SANBR: variants seen among roughly 807,000 people sequenced by gnomAD.
SANBR encodes the protein SANT and BTB domain regulator of CSR, also known as SANT and BTB domain regulator of class switch recombination.
In SANBR, 77 loss-of-function variants were observed where a neutral mutation model predicts 101.8. The ratio of observed to expected loss-of-function variants is 0.76; its 90% CI spans 0.63 to 0.91. The LOEUF (loss-of-function observed/expected upper bound fraction) is 0.91, where lower values mean the gene tolerates loss of function less well. Among genes scored for constraint, SANBR ranks in the 40% least tolerant of loss-of-function variants. SANBR has a pLI of 0.00. For synonymous variants in SANBR, 279 were observed against 274.7 expected (o/e 1.02, Z -0.15); for missense variants, 875 against 853.0 (o/e 1.03, Z -0.32).
chr2:61,073,750 A>G (rs1681607940), intron 5 of SANBR, among the ~76,000 whole-genome samples, 199 bp downstream of exon 5: 1 of 151,884 alleles, frequency 6.6e-6, no homozygotes, highest in South Asian at 2.1e-4. Context: ...ACAGTTTTCT[A>G]TTTAAAGATT....
intron 13 of SANBR, 22 bp from the exon 14 acceptor site, chr2:61,106,541 A>G (rs1683576759): frequency 6.8e-7 from 1 of 1,476,734 alleles, no homozygotes; most frequent in African/African-American, 1.4e-5. Context: ...TCTTCTCCGT[A>G]AAAATGTCTT....
intron 6 of SANBR, among the ~76,000 whole-genome samples, chr2:61,080,070 G>T (rs999163040): frequency 1.3e-5 from 2 of 151,648 alleles, no homozygotes; most frequent in African/African-American, 2.4e-5. Context: ...GGTGGCAGGT[G>T]CCTGTAGTCC....
chr2:61,109,292 A>G lies in SANBR; in HGVS notation c.1740A>G (p.Lys580=). ...EVGDEEEVSK[K]QRKKEKPKKF... is the part of the protein sequence containing the mutation. ...GAGATGAAGAAGAAGTATCCAAGAA[A>G]CAAAGTATTGGTTTATAAGTTAAAA... Residue 580 remains lysine, a synonymous_variant, in exon 16 of 22, where the codon AAA becomes AAG. Coordinates refer to ENST00000402291, the MANE Select transcript of SANBR (RefSeq NM_001129993.3). 6.5e-7 allele frequency: 1 copy of G among 1,536,036 alleles called. No individual in the cohort carries two copies. The highest frequency in any genetic ancestry group is 1.2e-5 in the South Asian group (1 of 81,322).
intron 3 of SANBR, 140 bp downstream of exon 3, chr2:61,070,640 A>G (rs1681411234): frequency 4.1e-6 from 2 of 482,848 alleles, no homozygotes; most frequent in African/African-American, 2.1e-5. Context: ...CATCTATATA[A>G]TTTGACTAGA....
intron 21 of SANBR, among the ~76,000 whole-genome samples, chr2:61,135,355 A>G (rs1292175809): frequency 6.6e-6 from 1 of 152,224 alleles, no homozygotes; most frequent in Non-Finnish European, 1.5e-5. Flanking sequence ...ATATGTAGTT[A>G]TATACCAAGG....
At chr2:61,081,374 T>C in intron 6 of SANBR, 78 bp from the exon 7 acceptor site, 1 of 1,371,908 alleles carries the variant, frequency 7.3e-7, no homozygotes, top group Non-Finnish European at 9.9e-7. Flanking sequence ...AATGTCCTCT[T>C]TTAAGGTAAG....
At chr2:61,105,658 G>C (rs973160418) in intron 13 of SANBR, among the ~76,000 whole-genome samples, 1 of 130,820 alleles carries the variant, frequency 7.6e-6, no homozygotes, top group African/African-American at 2.8e-5. Flanking sequence ...GAGCCACTGC[G>C]CCTGGCCGCA....
At chr2:61,070,715 A>G (rs907585601) in intron 3 of SANBR, among the ~76,000 whole-genome samples, 16 of 147,082 alleles carry the variant, frequency 1.1e-4, no homozygotes, top group Non-Finnish European at 1.2e-4. Flanking sequence ...TATATAGTAT[A>G]TATATTTATA....
intron 20 of SANBR, among the ~76,000 whole-genome samples, chr2:61,119,444 A>G (rs1439848117): frequency 6.6e-6 from 1 of 152,230 alleles, no homozygotes; most frequent in Non-Finnish European, 1.5e-5. Flanking sequence ...ACAAGCCATA[A>G]ACTATGAGAA....
intron 8 of SANBR, among the ~76,000 whole-genome samples, chr2:61,083,566 TA>T (rs573963696): frequency 0.069 from 9,700 of 139,878 alleles, 975 homozygotes; most frequent in African/African-American, 0.22. Context: ...CCAGCTAAAT[TA>T]AAAAAAAAAA....
chr2:61,109,162 A>T (rs1573649301), intron 15 of SANBR, 35 bp from the exon 16 acceptor site: 1 of 1,055,938 alleles, frequency 9.5e-7, no homozygotes, highest in East Asian at 2.6e-5. Context: ...AAAAATCATA[A>T]TATTACATTT....
At chr2:61,131,907 T>C (rs571861908) in intron 20 of SANBR, among the ~76,000 whole-genome samples, 1 of 152,348 alleles carries the variant, frequency 6.6e-6, no homozygotes, top group Admixed American at 6.5e-5. Context: ...CAACTGATTT[T>C]CATCAAGGGT....
At chr2:61,116,138 A>G in intron 17 of SANBR, 68 bp downstream of exon 17, 1 of 1,126,436 alleles carries the variant, frequency 8.9e-7, no homozygotes. Flanking sequence ...GCCAGAAAAA[A>G]ATAAAAAGAG....
intron 8 of SANBR, among the ~76,000 whole-genome samples, chr2:61,084,621 A>G (rs1306223507): frequency 6.6e-6 from 1 of 152,186 alleles, no homozygotes; most frequent in Non-Finnish European, 1.5e-5. Flanking sequence ...AAACGAGGTC[A>G]GCAGTGGTTA....
intron 16 of SANBR, 69 bp downstream of exon 16, chr2:61,109,365 C>A: frequency 1.2e-6 from 1 of 839,376 alleles, no homozygotes; most frequent in Non-Finnish European, 1.9e-6. Flanking sequence ...GCCTTTAATG[C>A]AAGGGATGGG....
intron 12 of SANBR, among the ~76,000 whole-genome samples, chr2:61,100,081 T>C (rs902060295): frequency 1.3e-5 from 2 of 152,098 alleles, no homozygotes; most frequent in Non-Finnish European, 2.9e-5. Flanking sequence ...ATTTAGGTTA[T>C]GAATATTTGT....
At chr2:61,117,076 A>C (rs996943965) in intron 17 of SANBR, 3 of 424,120 alleles carry the variant, frequency 7.1e-6, no homozygotes, top group Non-Finnish European at 8.6e-6. Flanking sequence ...AAAAAATTGC[A>C]TAAGCTGGGA....
At chr2:61,073,353 C>G in intron 4 of SANBR, 105 bp from the exon 5 acceptor site, 2 of 487,222 alleles carry the variant, frequency 4.1e-6, no homozygotes, top group Non-Finnish European at 3.7e-6. Flanking sequence ...GCCTTGGAAA[C>G]CATGCATTTA....
At chr2:61,110,670 C>T (rs1266079414) in intron 16 of SANBR, among the ~76,000 whole-genome samples, 9 of 149,620 alleles carry the variant, frequency 6.0e-5, no homozygotes, top group Admixed American at 1.3e-4. Flanking sequence ...CACAGCGAGA[C>T]TCTGTCTCAA....
Sources: allele counts gnomAD v4.1 joint callset (sites outside exome capture counted in the v4.1 genomes callset), GRCh38; gene constraint gnomAD v4.1.1; transcripts MANE v1.5; gene names NCBI Gene and HGNC (gene_info 2026-07-23, HGNC 2026-07-21).